PDE8B: variants seen among roughly 807,000 people sequenced by gnomAD.
PDE8B encodes the protein phosphodiesterase 8B.
In PDE8B, 26 loss-of-function variants were observed where a neutral mutation model predicts 101.3. The ratio of observed to expected loss-of-function variants is 0.26; its 90% CI spans 0.19 to 0.36. The LOEUF is 0.36. Ranked by LOEUF, PDE8B falls within the 10% of genes least tolerant of loss-of-function variation. PDE8B has a pLI of 1.00. For synonymous variants in PDE8B, 424 were observed against 429.3 expected, an observed-to-expected ratio of 0.99 and a Z score of 0.15; for missense variants, 810 against 1,163.1, an observed-to-expected ratio of 0.70 and a Z score of 4.42.
intron 1 of PDE8B, among the ~76,000 whole-genome samples, chr5:77,239,567 A>G (rs1755328326): frequency 6.6e-6 from 1 of 152,218 alleles, no homozygotes; most frequent in Non-Finnish European, 1.5e-5. Flanking sequence ...TGTACAATAA[A>G]CAACACCAAT....
intron 1 of PDE8B, among the ~76,000 whole-genome samples, chr5:77,283,577 T>C (rs971353887): frequency 3.3e-5 from 5 of 152,238 alleles, no homozygotes; most frequent in African/African-American, 1.2e-4. Context: ...GTTGGAATCA[T>C]ACAGTATATG....
the PDE8B span, among the ~76,000 whole-genome samples, chr5:77,120,681 T>A: frequency 6.6e-6 from 1 of 152,232 alleles, no homozygotes; most frequent in African/African-American, 2.4e-5. Flanking sequence ...TGAACATTTT[T>A]ATAATAAAAA....
At chr5:77,173,714 T>C in the PDE8B span, among the ~76,000 whole-genome samples, 1 of 152,158 alleles carries the variant, frequency 6.6e-6, no homozygotes, top group Non-Finnish European at 1.5e-5. Flanking sequence ...ATTGAAGTGC[T>C]TTTTAATTTA....
chr5:77,166,382 A>C, the PDE8B span, among the ~76,000 whole-genome samples: 2 of 152,198 alleles, frequency 1.3e-5, no homozygotes, highest in Admixed American at 6.5e-5. Flanking sequence ...AGGTCTAGGC[A>C]TTACTAAATC....
the PDE8B span, among the ~76,000 whole-genome samples, chr5:77,170,554 T>C: frequency 3.3e-5 from 5 of 152,250 alleles, no homozygotes; most frequent in Non-Finnish European, 7.3e-5. Context: ...GGACTGAGGA[T>C]AAAGGAACAC....
the PDE8B span, chr5:77,088,603 C>T: frequency 6.6e-6 from 1 of 152,104 alleles, no homozygotes; most frequent in African/African-American, 2.4e-5. Flanking sequence ...GATGATCTTC[C>T]CCTGGAGTTT....
chr5:77,243,961 T>C (rs185037396), intron 1 of PDE8B, among the ~76,000 whole-genome samples: 70 of 152,140 alleles, frequency 4.6e-4, no homozygotes, highest in African/African-American at 1.6e-3. Context: ...CCGCCACCGC[T>C]GCATCCTTTT....
chr5:77,132,486 A>G, the PDE8B span, among the ~76,000 whole-genome samples: 6 of 152,190 alleles, frequency 3.9e-5, no homozygotes, highest in African/African-American at 1.2e-4. Context: ...GTCCTTCTAC[A>G]TACCTCTAAA....
At chr5:77,267,281 TA>T (rs954868625) in intron 1 of PDE8B, among the ~76,000 whole-genome samples, 5 of 150,608 alleles carry the variant, frequency 3.3e-5, no homozygotes, top group South Asian at 2.1e-4. Context: ...CTACTAAAAA[TA>T]AAAAAAAATT....
At position 77,297,469 on chromosome 5, in the gene PDE8B, G is replaced by T. The variant is rs943908525; in HGVS notation, c.340-14525G>T. On this transcript the variant is annotated intron_variant, in intron 1 of 21. Transcript: ENST00000264917. ...TAGAGTTTCTGATTCAATAGATCTC[G>T]GATGGGGCCTGAATGTTTCCCCTTC... Among the ~76,000 whole-genome samples, 6 of 152,110 alleles carry T rather than the reference G, an allele frequency of 3.9e-5. No homozygotes were observed. The East Asian group carries it at 7.7e-4, about 20-fold the overall frequency.
At chr5:77,148,134 A>C in the PDE8B span, 6 of 152,214 alleles carry the variant, frequency 3.9e-5, no homozygotes, top group Non-Finnish European at 8.8e-5. Flanking sequence ...AATACTTTAA[A>C]ACTGTTAACA....
At chr5:77,099,605 C>T in the PDE8B span, among the ~76,000 whole-genome samples, 1 of 140,052 alleles carries the variant, frequency 7.1e-6, no homozygotes, top group Non-Finnish European at 1.6e-5. Flanking sequence ...GTGACCTTTT[C>T]TTTTCTTTTT....
intron 2 of PDE8B, among the ~76,000 whole-genome samples, chr5:77,323,593 C>G (rs1014698417): frequency 2.0e-5 from 3 of 152,038 alleles, no homozygotes; most frequent in Non-Finnish European, 4.4e-5. Context: ...TTGCTGAAGC[C>G]GGGTAAGGAG....
intron 14 of PDE8B, chr5:77,410,680 G>GGCT (rs1370474205): frequency 3.9e-4 from 18 of 46,624 alleles, no homozygotes; most frequent in African/African-American, 1.4e-3. Context: ...GGACAATTGT[G>GGCT]GCTGTTGTTA....
intron 11 of PDE8B, among the ~76,000 whole-genome samples, chr5:77,401,862 C>A (rs575128536): frequency 6.6e-6 from 1 of 152,172 alleles, no homozygotes; most frequent in African/African-American, 2.4e-5. Flanking sequence ...TTAATCACTT[C>A]TATTGCTATA....
At chr5:77,317,546 C>T (rs764962242) in intron 2 of PDE8B, among the ~76,000 whole-genome samples, 2 of 152,128 alleles carry the variant, frequency 1.3e-5, no homozygotes, top group Admixed American at 6.5e-5. Context: ...CTGTGGAGCA[C>T]GTCTCTCCTG....
chr5:77,423,701 A>G (rs1245357294), intron 20 of PDE8B, among the ~76,000 whole-genome samples: 2 of 122,408 alleles, frequency 1.6e-5, no homozygotes, highest in Non-Finnish European at 3.1e-5. Flanking sequence ...GTGCAGTGGC[A>G]TGACCTCAGC....
chr5:77,243,156 C>G (rs763391867), intron 1 of PDE8B, among the ~76,000 whole-genome samples: 14 of 152,054 alleles, frequency 9.2e-5, no homozygotes, highest in Non-Finnish European at 1.5e-4. Context: ...AAATATAATT[C>G]AGTAGCTTGA....
intron 10 of PDE8B, among the ~76,000 whole-genome samples, chr5:77,395,736 C>CA (rs2150962508): frequency 1.3e-5 from 2 of 151,538 alleles, no homozygotes; most frequent in Admixed American, 1.3e-4. Context: ...ACCCCACCCC[C>CA]ACCCCCTCAC....
Sources: allele counts gnomAD v4.1 joint callset (sites outside exome capture counted in the v4.1 genomes callset), GRCh38; gene constraint gnomAD v4.1.1; transcripts MANE v1.5; gene names NCBI Gene and HGNC (gene_info 2026-07-23, HGNC 2026-07-21).